Variants in ALB observed in about 807,000 individuals in gnomAD.
ALB encodes serum albumin.
In ALB, 37 loss-of-function variants were observed where a neutral mutation model predicts 74.5. That is an observed-to-expected ratio of 0.50 (90% CI 0.38 to 0.65). ALB has a LOEUF of 0.65. Among genes scored for constraint, ALB ranks in the 30% least tolerant of loss-of-function variants. The pLI is 0.00. For missense variants in ALB, 685 were observed against 718.7 expected, an observed-to-expected ratio of 0.95 and a Z score of 0.54; for synonymous variants, 249 against 251.6, an observed-to-expected ratio of 0.99 and a Z score of 0.10.
In ALB at chr4:73,416,292, A is replaced by G. The variant is rs1719011253; in HGVS notation, c.1228A>G (p.Asn410Asp). 1.2e-6 allele frequency: 2 copies of G among 1,613,574 alleles called. No homozygotes were observed. The highest frequency in any genetic ancestry group is 1.3e-5 in the African/African-American group (1 of 74,920). Reference sequence around the variant, plus strand: ...TAAACCTCTTGTGGAAGAGCCTCAGAATTTAATCAAACAAAATTGTGAGCT... The same window carrying G: ...TAAACCTCTTGTGGAAGAGCCTCAGGATTTAATCAAACAAAATTGTGAGCT... ...EFKPLVEEPQ[N>D]LIKQNCELFE... The change falls in exon 10 of 15, where the codon AAT becomes GAT. Residue 410 changes from asparagine (N) to aspartate (D), a missense_variant. Asn to Asp is a conservative substitution (Grantham distance 23, BLOSUM62 1). Coordinates refer to ENST00000295897, the MANE Select transcript of ALB (RefSeq NM_000477.7).
At chr4:73,408,218 T>A (rs775590237) in intron 3 of ALB, among the ~76,000 whole-genome samples, 37 of 152,338 alleles carry the variant, frequency 2.4e-4, no homozygotes, top group Admixed American at 6.5e-4. Flanking sequence ...AGAAACTCTC[T>A]GAATGTTTTT....
At chr4:73,407,137 A>G (rs1718752522) in intron 3 of ALB, among the ~76,000 whole-genome samples, 1 of 149,038 alleles carries the variant, frequency 6.7e-6, no homozygotes, top group Non-Finnish European at 1.5e-5. Context: ...AGAACCCTTA[A>G]CATGAGATCT....
intron 1 of ALB, 23 bp from the exon 2 acceptor site, chr4:73,405,093 C>CT (rs746113318): frequency 1.7e-5 from 27 of 1,605,636 alleles, no homozygotes; most frequent in East Asian, 6.7e-5. Flanking sequence ...TTTAACAATC[C>CT]TTTTTTTTCT....
intron 13 of ALB, 62 bp downstream of exon 13, chr4:73,419,701 A>G (rs1288674546): frequency 1.3e-6 from 2 of 1,584,098 alleles, no homozygotes; most frequent in Non-Finnish European, 1.7e-6. Context: ...TGGTTAGGCT[A>G]GGGCTTAGGG....
intron 4 of ALB, chr4:73,409,059 A>T (rs1006350533): frequency 6.1e-5 from 35 of 575,340 alleles, no homozygotes; most frequent in Non-Finnish European, 8.9e-5. Context: ...CAAATTATTT[A>T]ATGTATTACG....
Position 73,421,160 on chromosome 4 carries a change from G to A in ALB, c.*92G>A, listed in dbSNP as rs1243725322. 1.4e-6 allele frequency: 1 copy of A among 689,846 alleles called. No homozygotes were observed. The highest frequency in any genetic ancestry group is 1.8e-5 in the African/African-American group (1 of 56,340). 42.7% of individuals were successfully genotyped at this position (689,846 alleles called of 1,614,324 possible). On this transcript the variant is annotated 3_prime_UTR_variant, in exon 15 of 15. Transcript: ENST00000295897. ...ATTCATCTGTTTTTCTTTTTCGTTG[G>A]TGTAAAGCCAACACCCTGTCTAAAA...
rs749692149 is a variant in ALB, at chr4:73,406,738, G to T, written c.247G>T (p.Ala83Ser). ...FAKTCVADES[A>S]ENCDKSLHTL... ...AAAAACATGTGTTGCTGATGAGTCA[G>T]CTGAAAATTGTGACAAATCACTTGT... The change falls in exon 3 of 15, where the codon GCT becomes TCT. Residue 83 changes from alanine to serine, a missense_variant. By Grantham distance (99) the Ala-to-Ser change is moderately conservative. Transcript: ENST00000295897. 1 of 1,613,832 alleles carries T rather than the reference G, an allele frequency of 6.2e-7. No individual in the cohort carries two copies. The highest frequency in any genetic ancestry group is 8.5e-7 in the Non-Finnish European group (1 of 1,179,936).
intron 10 of ALB, among the ~76,000 whole-genome samples, chr4:73,417,008 A>G (rs1394997515): frequency 6.6e-6 from 1 of 152,224 alleles, no homozygotes; most frequent in Non-Finnish European, 1.5e-5. Flanking sequence ...ATAACAGTGA[A>G]CAAGACATAG....
chr4:73,405,214 T>C (rs1279265592), intron 2 of ALB, 41 bp downstream of exon 2: 1 of 1,488,300 alleles, frequency 6.7e-7, no homozygotes, highest in East Asian at 2.3e-5. Flanking sequence ...ATGTTTCTAA[T>C]AGTGTTGTTT....
intron 2 of ALB, among the ~76,000 whole-genome samples, 168 bp from the exon 3 acceptor site, chr4:73,406,461 C>T (rs1490373467): frequency 6.6e-6 from 1 of 152,194 alleles, no homozygotes; most frequent in Non-Finnish European, 1.5e-5. Context: ...CCACATATGC[C>T]TATCTAGGCC....
chr4:73,411,267 A>G (rs1718868832), intron 6 of ALB, among the ~76,000 whole-genome samples: 2 of 152,206 alleles, frequency 1.3e-5, no homozygotes, highest in African/African-American at 4.8e-5. Context: ...ACATAAAATT[A>G]TACACAGATA....
chr4:73,406,359 A>G (rs1718728521), intron 2 of ALB, among the ~76,000 whole-genome samples: 1 of 152,174 alleles, frequency 6.6e-6, no homozygotes, highest in African/African-American at 2.4e-5. Flanking sequence ...TTGGCATACA[A>G]TTTGCTTGCT....
chr4:73,411,097 C>T (rs1718863545), intron 6 of ALB, among the ~76,000 whole-genome samples: 2 of 152,172 alleles, frequency 1.3e-5, no homozygotes, highest in Non-Finnish European at 2.9e-5. Context: ...CCACACTCCT[C>T]ACCTGCTAGT....
chr4:73,409,573 T>C, intron 5 of ALB, 86 bp downstream of exon 5: 1 of 1,553,238 alleles, frequency 6.4e-7, no homozygotes, highest in Non-Finnish European at 8.9e-7. Context: ...AACCTGAGTG[T>C]CTGATACAAA....
chr4:73,413,076 T>C (rs184087436), intron 7 of ALB, among the ~76,000 whole-genome samples: 33 of 152,280 alleles, frequency 2.2e-4, no homozygotes, highest in African/African-American at 7.7e-4. Context: ...TTTTATTTAG[T>C]TATTTGGTTT....
chr4:73,420,009 T>C (rs1301517201), intron 13 of ALB, among the ~76,000 whole-genome samples: 3 of 152,208 alleles, frequency 2.0e-5, no homozygotes, highest in Non-Finnish European at 2.9e-5. Flanking sequence ...AGTGGGAGAA[T>C]TTACATTCAA....
intron 7 of ALB, among the ~76,000 whole-genome samples, chr4:73,412,516 G>C (rs1043860848): frequency 8.5e-5 from 13 of 152,160 alleles, no homozygotes; most frequent in Non-Finnish European, 1.8e-4. Context: ...TGTGATCTTG[G>C]CTCAGCGCAA....
chr4:73,415,841 A>G (rs774858185), intron 9 of ALB, among the ~76,000 whole-genome samples: 6 of 152,228 alleles, frequency 3.9e-5, no homozygotes, highest in Admixed American at 2.0e-4. Flanking sequence ...GTACAATCAT[A>G]GCCATCATTT....
chr4:73,415,079 T>A lies in ALB; in HGVS notation c.1103T>A (p.Val368Glu). 6.2e-7 allele frequency: 1 copy of A among 1,614,174 alleles called. No homozygotes were observed. Among genetic ancestry groups the A allele is most frequent in the Middle Eastern group, 1.6e-4 (1 of 6,062 alleles). ...AGAAGGCATCCTGATTACTCTGTCGTGCTGCTGCTGAGACTTGCCAAGACA... is the reference window on the plus strand; with the variant it reads ...AGAAGGCATCCTGATTACTCTGTCGAGCTGCTGCTGAGACTTGCCAAGACA... ...YARRHPDYSVVLLLRLAKTYE... is the reference protein window; with the variant it reads ...YARRHPDYSVELLLRLAKTYE... Residue 368 changes from valine to glutamate, a missense_variant, in exon 9 of 15, where the codon GTG (valine) becomes GAG (glutamate). By Grantham distance (121) the Val-to-Glu change is moderately radical. Coordinates refer to ENST00000295897, the MANE Select transcript of ALB (RefSeq NM_000477.7).
Sources: gnomAD v4.1 joint callset for allele counts (sites outside exome capture counted in the v4.1 genomes callset) on GRCh38, gnomAD v4.1.1 for gene constraint, MANE v1.5 for transcripts, NCBI Gene and HGNC (gene_info 2026-07-23, HGNC 2026-07-21) for gene names.